Variants in EYS observed in about 807,000 individuals in gnomAD.
The protein encoded by EYS is protein eyes shut homolog.
EYS carries 250 observed loss-of-function variants against 282.1 expected under a neutral mutation model. The observed-to-expected ratio is 0.89, with a 90% CI of 0.80 to 0.98. The LOEUF (loss-of-function observed/expected upper bound fraction) is 0.98, where lower values mean the gene tolerates loss of function less well. Ranked by LOEUF, EYS falls within the 50% of genes least tolerant of loss-of-function variation. The probability of loss-of-function intolerance (pLI) is 0.00; values close to 1 mark genes in which losing one functional copy is unlikely to be tolerated. For missense variants in EYS, 4,016 were observed against 3,709.0 expected (o/e 1.08, Z -2.15); for synonymous variants, 1,355 against 1,282.9 (o/e 1.06, Z -1.20).
At chr6:63,986,725 G>A (rs1049187506) in intron 34 of EYS, among the ~76,000 whole-genome samples, 6 of 151,700 alleles carry the variant, frequency 4.0e-5, no homozygotes, top group Admixed American at 2.0e-4. Flanking sequence ...GGAGCTAAAT[G>A]ATGGGAGCTT....
intron 26 of EYS, among the ~76,000 whole-genome samples, chr6:64,559,967 T>C (rs1765346473): frequency 6.6e-6 from 1 of 152,144 alleles, no homozygotes; most frequent in African/African-American, 2.4e-5. Context: ...TGAGTCCACG[T>C]GTTCTCGTCA....
chr6:64,467,240 C>G (rs897991006), intron 26 of EYS, among the ~76,000 whole-genome samples: 1 of 151,918 alleles, frequency 6.6e-6, no homozygotes, highest in Non-Finnish European at 1.5e-5. Flanking sequence ...TTTTAAATAA[C>G]TATCTTATTG....
At chr6:64,107,285 T>TTTTA (rs1275963690) in intron 31 of EYS, among the ~76,000 whole-genome samples, 11 of 101,506 alleles carry the variant, frequency 1.1e-4, no homozygotes, top group African/African-American at 1.8e-4. Flanking sequence ...ATATATATAT[T>TTTTA]TATATATATA....
At chr6:65,398,902 C>A (rs980662334) in intron 7 of EYS, among the ~76,000 whole-genome samples, 1 of 152,038 alleles carries the variant, frequency 6.6e-6, no homozygotes, top group African/African-American at 2.4e-5. Context: ...GTTTATTTCC[C>A]AACCTTTCAA....
At chr6:64,307,955 T>C (rs1045452327) in intron 29 of EYS, among the ~76,000 whole-genome samples, 1 of 152,026 alleles carries the variant, frequency 6.6e-6, no homozygotes, top group South Asian at 2.1e-4. Context: ...ATAGATTACA[T>C]AGTCACTAAT....
chr6:65,275,893 A>G (rs780239742), intron 12 of EYS, among the ~76,000 whole-genome samples: 1 of 152,180 alleles, frequency 6.6e-6, no homozygotes, highest in Non-Finnish European at 1.5e-5. Flanking sequence ...CCTTCTGTGC[A>G]TGCACTGCTT....
rs1216665987 is a variant in EYS at position 65,002,029 on chromosome 6, ATATT to A, written c.2138-4330_2138-4327del. 2.3e-5 allele frequency among the ~76,000 whole-genome samples: 3 copies of A among 130,282 alleles called. 1 individual carries two copies. Among genetic ancestry groups the A allele is most frequent in the Non-Finnish European group, 3.4e-5 (2 of 59,330 alleles). 85.5% of individuals were successfully genotyped at this position (130,282 alleles called of 152,430 possible). On this transcript the variant is annotated intron_variant, in intron 13 of 42. Coordinates refer to ENST00000503581, the MANE Select transcript of EYS (RefSeq NM_001142800.2). ...ATCTTAGAAAAAATCATATATTAAA[ATATT>A]TATGAAGAACTTTTAAAAGTCAAAT...
At chr6:65,620,532 T>G (rs996910920) in intron 2 of EYS, among the ~76,000 whole-genome samples, 1 of 151,238 alleles carries the variant, frequency 6.6e-6, no homozygotes, top group African/African-American at 2.4e-5. Flanking sequence ...TTTTGAAGGG[T>G]TTTTTGTGTC....
intron 2 of EYS, among the ~76,000 whole-genome samples, chr6:65,596,606 T>G (rs1401444816): frequency 6.6e-6 from 1 of 151,918 alleles, no homozygotes; most frequent in Non-Finnish European, 1.5e-5. Flanking sequence ...ACAGACCAAT[T>G]CTCCACAGCA....
intron 29 of EYS, among the ~76,000 whole-genome samples, chr6:64,312,345 G>A (rs1769749415): frequency 2.0e-5 from 3 of 152,122 alleles, no homozygotes; most frequent in Non-Finnish European, 1.5e-5. Flanking sequence ...TCCTCTCTGG[G>A]CAGGGCATCT....
At chr6:64,727,676 C>T (rs1771804715) in intron 22 of EYS, among the ~76,000 whole-genome samples, 1 of 152,030 alleles carries the variant, frequency 6.6e-6, no homozygotes, top group Non-Finnish European at 1.5e-5. Context: ...TACAAAGAAA[C>T]CCTAATTAAT....
intron 36 of EYS, among the ~76,000 whole-genome samples, chr6:63,823,688 T>C (rs955818216): frequency 6.6e-6 from 1 of 152,116 alleles, no homozygotes; most frequent in Non-Finnish European, 1.5e-5. Flanking sequence ...TTATTTCACT[T>C]TCATCAATAA....
intron 22 of EYS, among the ~76,000 whole-genome samples, chr6:64,675,841 A>G (rs931889431): frequency 6.6e-6 from 1 of 151,552 alleles, no homozygotes; most frequent in Non-Finnish European, 1.5e-5. Context: ...TTACTTAACT[A>G]CTTAATCCCT....
chr6:65,344,329 G>T (rs1453980363), intron 9 of EYS, 152 bp from the exon 10 acceptor site: 2 of 664,884 alleles, frequency 3.0e-6, no homozygotes, highest in East Asian at 2.7e-5. Context: ...TATTGAATTT[G>T]AAGAAGACCT....
chr6:65,107,072 C>A (rs1379754416), intron 12 of EYS, among the ~76,000 whole-genome samples: 2 of 151,908 alleles, frequency 1.3e-5, no homozygotes, highest in African/African-American at 4.8e-5. Context: ...CTTAAGGAAA[C>A]ACCAGCTTTC....
chr6:64,283,760 C>G (rs1011763105), intron 30 of EYS, among the ~76,000 whole-genome samples: 1 of 152,068 alleles, frequency 6.6e-6, no homozygotes, highest in Non-Finnish European at 1.5e-5. Flanking sequence ...GGGGAGGCCT[C>G]AGAATCATGG....
At chr6:65,634,813 C>T (rs1186761839) in intron 2 of EYS, among the ~76,000 whole-genome samples, 1 of 152,166 alleles carries the variant, frequency 6.6e-6, no homozygotes, top group African/African-American at 2.4e-5. Context: ...CCTTGTTATA[C>T]AGGTGAGAAG....
chr6:64,245,732 A>G (rs1447971991), intron 30 of EYS, among the ~76,000 whole-genome samples: 2 of 152,190 alleles, frequency 1.3e-5, no homozygotes, highest in Non-Finnish European at 2.9e-5. Flanking sequence ...GAGAAAACTT[A>G]GAGGCCTGAG....
chr6:65,208,661 G>A (rs992746330), intron 12 of EYS, among the ~76,000 whole-genome samples: 3 of 151,844 alleles, frequency 2.0e-5, no homozygotes, highest in African/African-American at 7.2e-5. Context: ...AACATGGATA[G>A]AGCTGGAGGC....
Sources: gnomAD v4.1 joint callset for allele counts (sites outside exome capture counted in the v4.1 genomes callset) on GRCh38, gnomAD v4.1.1 for gene constraint, MANE v1.5 for transcripts, NCBI Gene and HGNC (gene_info 2026-07-23, HGNC 2026-07-21) for gene names.